Variants in NDRG3 observed in about 807,000 individuals in gnomAD.
NDRG3 encodes NDRG family member 3, also known as protein NDRG3.
A neutral mutation model predicts 57.2 loss-of-function variants in NDRG3; 23 were observed. The observed-to-expected ratio is 0.40, with a 90% CI of 0.29 to 0.57. The LOEUF (loss-of-function observed/expected upper bound fraction) is 0.57. Ranked by LOEUF, NDRG3 falls within the 20% of genes least tolerant of loss-of-function variation. The probability of loss-of-function intolerance (pLI) is 0.42; values close to 1 mark genes in which losing one functional copy is unlikely to be tolerated. For missense variants in NDRG3, 384 were observed against 457.3 expected (o/e 0.84, Z 1.46); for synonymous variants, 132 against 162.6 (o/e 0.81, Z 1.43).
Position 36,682,981 on chromosome 20 carries a change from G to C in NDRG3, c.384-403C>G, listed in dbSNP as rs1981445239. ...ACAAAGGCTGGGCACGGTGGCTCAC[G>C]CCTGTAATCCCAGCACTTTGGGAGG... On this transcript the variant is annotated intron_variant, in intron 6 of 15. Coordinates refer to ENST00000349004, the MANE Select transcript of NDRG3 (RefSeq NM_032013.4). 2.0e-5 allele frequency among the ~76,000 whole-genome samples: 3 copies of C among 151,820 alleles called. No homozygotes were observed. In the South Asian group the frequency reaches 6.2e-4, roughly 32 times the overall value.
At position 36,731,437 on chromosome 20, in the gene NDRG3, G is replaced by A. The variant is rs940603953; in HGVS notation, c.-48-9654C>T. Among the ~76,000 whole-genome samples the A allele has an allele frequency of 1.3e-5, 2 of 152,122 alleles. 1 individual carries two copies. The highest frequency in any genetic ancestry group is 2.9e-5 in the Non-Finnish European group (2 of 68,028). ...TTAACTTTGGACAGTAAAAGTCAGTGGTGTTAAAATCTAGGAAAAATGAAG... is the reference window on the plus strand; with the variant it reads ...TTAACTTTGGACAGTAAAAGTCAGTAGTGTTAAAATCTAGGAAAAATGAAG... On this transcript the variant is annotated intron_variant, in intron 1 of 15. Transcript: ENST00000349004.
intron 5 of NDRG3, among the ~76,000 whole-genome samples, chr20:36,686,640 C>T (rs1981805984): frequency 6.6e-6 from 1 of 152,196 alleles, no homozygotes; most frequent in Admixed American, 6.5e-5. Context: ...GAGCCTATGA[C>T]TCTGCCCTGC....
At chr20:36,743,077 G>A (rs1985994563) in intron 1 of NDRG3, among the ~76,000 whole-genome samples, 1 of 152,254 alleles carries the variant, frequency 6.6e-6, no homozygotes, top group Admixed American at 6.5e-5. Flanking sequence ...AGACTAAAGG[G>A]GTATAAGCCT....
chr20:36,715,012 A>G (rs1388319701), intron 2 of NDRG3, among the ~76,000 whole-genome samples: 960 of 41,626 alleles, frequency 0.023, 5 homozygotes, highest in Non-Finnish European at 0.031. Flanking sequence ...GTGTGTATAT[A>G]TATATATATA....
At chr20:36,738,259 C>A (rs980082471) in intron 1 of NDRG3, among the ~76,000 whole-genome samples, 1 of 151,868 alleles carries the variant, frequency 6.6e-6, no homozygotes, top group Admixed American at 6.6e-5. Context: ...GCAACACTTT[C>A]TCCTAGCACT....
chr20:36,732,498 G>A (rs1381046207), intron 1 of NDRG3, among the ~76,000 whole-genome samples: 2 of 152,174 alleles, frequency 1.3e-5, no homozygotes, highest in Non-Finnish European at 2.9e-5. Context: ...ATAGCTCAGT[G>A]GTGCTGAGCA....
At chr20:36,733,750 G>C (rs778578502) in intron 1 of NDRG3, among the ~76,000 whole-genome samples, 1 of 151,740 alleles carries the variant, frequency 6.6e-6, no homozygotes, top group Non-Finnish European at 1.5e-5. Flanking sequence ...AACAAACAAA[G>C]GGGGCATACT....
chr20:36,671,628 C>T (rs1367737667), intron 8 of NDRG3, among the ~76,000 whole-genome samples: 1 of 152,058 alleles, frequency 6.6e-6, no homozygotes. Context: ...CGGTGAAACC[C>T]TGTCTCTACT....
chr20:36,687,428 A>G (rs1981882965), intron 5 of NDRG3, 64 bp downstream of exon 5: 1 of 1,578,640 alleles, frequency 6.3e-7, no homozygotes, highest in South Asian at 1.2e-5. Context: ...CACTTCTCCC[A>G]CTGGAGCTCA....
Position 36,653,359 on chromosome 20 carries a change from TG to T in NDRG3, c.*160del. On this transcript the variant is annotated 3_prime_UTR_variant, in exon 16 of 16. Coordinates refer to ENST00000349004, the MANE Select transcript of NDRG3 (RefSeq NM_032013.4). This position sits in a 1 kb window ranked among gnomAD's most constrained non-coding sequence, Gnocchi z 4.2. ...TTCTTGGGCTATACAAAAAAGGGGG[TG>T]GGCAGGCAGAGAGAATGATAAATCC... 1.7e-6 allele frequency: 1 copy of T among 605,994 alleles called. No homozygotes were observed. The highest frequency in any genetic ancestry group is 2.8e-6 in the Non-Finnish European group (1 of 355,910). 37.5% of individuals were successfully genotyped at this position (605,994 alleles called of 1,614,324 possible).
intron 1 of NDRG3, among the ~76,000 whole-genome samples, chr20:36,744,132 G>A (rs1986066591): frequency 6.6e-6 from 1 of 151,900 alleles, no homozygotes; most frequent in African/African-American, 2.4e-5. Context: ...TCCATCTCCC[G>A]AACTCGTGAT....
intron 3 of NDRG3, among the ~76,000 whole-genome samples, chr20:36,705,570 T>C (rs1218239032): frequency 1.3e-5 from 2 of 152,126 alleles, no homozygotes; most frequent in East Asian, 1.9e-4. Flanking sequence ...GGCTGAATAC[T>C]GGAAGCAAGG....
At chr20:36,703,588 C>T (rs905752808) in intron 3 of NDRG3, among the ~76,000 whole-genome samples, 43 of 152,040 alleles carry the variant, frequency 2.8e-4, no homozygotes, top group Admixed American at 1.6e-3. Flanking sequence ...GGACTACAGG[C>T]GCATGCCATC....
intron 1 of NDRG3, among the ~76,000 whole-genome samples, chr20:36,727,408 C>T (rs566012482): frequency 2.0e-5 from 3 of 151,504 alleles, no homozygotes; most frequent in East Asian, 1.9e-4. Context: ...TTAGTAGAGA[C>T]GGGGTTTCAC....
chr20:36,661,010 G>C (rs1473390299), intron 12 of NDRG3, among the ~76,000 whole-genome samples: 1 of 152,140 alleles, frequency 6.6e-6, no homozygotes, highest in Non-Finnish European at 1.5e-5. Flanking sequence ...ATGAAAGTAG[G>C]TTACCTTACT....
intron 3 of NDRG3, among the ~76,000 whole-genome samples, chr20:36,697,963 C>CTTTTTTTTTTTTTTTT (rs1026025529): frequency 8.1e-6 from 1 of 123,016 alleles, no homozygotes. Context: ...TTTCTTTTTT[C>CTTTTTTTTTTTTTTTT]TTTTTTTTTT....
chr20:36,735,292 C>A (rs149543273), intron 1 of NDRG3, among the ~76,000 whole-genome samples: 3 of 152,178 alleles, frequency 2.0e-5, no homozygotes, highest in Non-Finnish European at 4.4e-5. Flanking sequence ...GACGCTCAGA[C>A]TAAATGCTCA....
intron 1 of NDRG3, among the ~76,000 whole-genome samples, chr20:36,741,461 A>G (rs965652126): frequency 7.2e-5 from 11 of 152,222 alleles, no homozygotes; most frequent in Non-Finnish European, 1.3e-4. Flanking sequence ...ATATTTTACT[A>G]TATATCTTCA....
chr20:36,686,880 G>T (rs1981829051), intron 5 of NDRG3, among the ~76,000 whole-genome samples: 1 of 151,990 alleles, frequency 6.6e-6, no homozygotes, highest in African/African-American at 2.4e-5. Context: ...AGGTTTTTTT[G>T]TTTGTTTGTT....
Sources: gnomAD v4.1 joint callset for allele counts (sites outside exome capture counted in the v4.1 genomes callset) on GRCh38, gnomAD v4.1.1 for gene constraint, Gnocchi (gnomAD v3.1) non-coding constraint, MANE v1.5 for transcripts, NCBI Gene and HGNC (gene_info 2026-07-23, HGNC 2026-07-21) for gene names.